The following AKAP9 variants were observed in gnomAD, a reference collection of about 807,000 sequenced individuals.
AKAP9 encodes A-kinase anchor protein 9.
AKAP9 carries 311 observed loss-of-function variants against 488.5 expected under a neutral mutation model. That is an observed-to-expected ratio of 0.64 (90% CI 0.58 to 0.70). The LOEUF is 0.70. Among genes scored for constraint, AKAP9 ranks in the 30% least tolerant of loss-of-function variants. The pLI is 0.00. For missense variants in AKAP9, 4,215 were observed against 4,374.5 expected, an observed-to-expected ratio of 0.96 and a Z score of 1.03; for synonymous variants, 1,462 against 1,483.5, an observed-to-expected ratio of 0.99 and a Z score of 0.33.
intron 3 of AKAP9, among the ~76,000 whole-genome samples, chr7:91,981,603 C>CTTTTTTTTT (rs532220900): frequency 7.5e-5 from 8 of 106,628 alleles, no homozygotes; most frequent in South Asian, 3.2e-4. Context: ...TCTTGTATTT[C>CTTTTTTTTT]TTTTTTTTTT....
rs553502055 is a variant in AKAP9 at position 91,941,206 on chromosome 7, G to A, written c.48+59G>A. ...GGAGGCGGTGGCTAGCACGGGGTGG[G>A]AGGGGGCCTGGGAAGCGGAGTTCGC... On this transcript the variant is annotated intron_variant, in intron 1 of 49. Transcript: ENST00000356239. 42 of 1,541,254 alleles carry A rather than the reference G, an allele frequency of 2.7e-5. No individual in the cohort carries two copies. The African/African-American group carries it at 5.4e-4, about 20-fold the overall frequency.
chr7:92,077,029 T>G (rs745420260), intron 29 of AKAP9, 22 bp downstream of exon 29: 17 of 1,443,204 alleles, frequency 1.2e-5, no homozygotes, highest in Non-Finnish European at 1.6e-5. Context: ...AGAAAAACTT[T>G]TATCTGTAAA....
At chr7:91,984,892 A>T (rs1339521006) in intron 3 of AKAP9, among the ~76,000 whole-genome samples, 1 of 152,152 alleles carries the variant, frequency 6.6e-6, no homozygotes, top group Middle Eastern at 3.2e-3. Flanking sequence ...TCTTTGTAGG[A>T]ATTGTGAATG....
At chr7:92,086,546 T>A (rs1261915651) in intron 37 of AKAP9, 130 bp downstream of exon 37, 6 of 721,358 alleles carry the variant, frequency 8.3e-6, no homozygotes, top group Non-Finnish European at 1.4e-5. Flanking sequence ...AAAAAAATTA[T>A]TGTAACTATT....
At chr7:91,975,912 TGTTTG>T (rs147126808) in intron 2 of AKAP9, among the ~76,000 whole-genome samples, 33 of 143,350 alleles carry the variant, frequency 2.3e-4, no homozygotes, top group Admixed American at 5.5e-4. Flanking sequence ...GTTTGTTTTT[TGTTTG>T]TTTGTTTGTT....
chr7:92,027,626 G>A (rs1243696430), intron 14 of AKAP9, among the ~76,000 whole-genome samples: 11 of 125,602 alleles, frequency 8.8e-5, no homozygotes, highest in East Asian at 4.4e-4. Flanking sequence ...TGGCCGCCCC[G>A]TCTGGGATGT....
Position 91,958,234 on chromosome 7 carries a change from A to G in AKAP9, c.49-15477A>G, listed in dbSNP as rs1793298176. On this transcript the variant is annotated intron_variant, in intron 1 of 49. Coordinates refer to ENST00000356239, the MANE Select transcript of AKAP9 (RefSeq NM_005751.5). ...ATATTTCCTGCAAAAATATATCCATATGAAAGGGAATAATGTATAATGTAG... is the reference window on the plus strand; with the variant it reads ...ATATTTCCTGCAAAAATATATCCATGTGAAAGGGAATAATGTATAATGTAG... Among the ~76,000 whole-genome samples, 3 of 152,342 alleles carry G rather than the reference A, an allele frequency of 2.0e-5. No individual in the cohort carries two copies. The South Asian group carries it at 6.2e-4, about 32-fold the overall frequency.
chr7:91,958,542 T>C (rs1218191676), intron 1 of AKAP9, among the ~76,000 whole-genome samples: 3 of 152,160 alleles, frequency 2.0e-5, no homozygotes, highest in African/African-American at 7.2e-5. Context: ...AACAGCACTT[T>C]CTTTAGGGAT....
At chr7:92,003,304 C>T in intron 8 of AKAP9, 69 bp downstream of exon 8, 3 of 1,184,936 alleles carry the variant, frequency 2.5e-6, no homozygotes, top group Admixed American at 1.8e-5. Flanking sequence ...AAGGTTTCAC[C>T]TTCATAGAAC....
At position 92,002,941 on chromosome 7, in the gene AKAP9, T is replaced by C. The variant is rs1261831665; in HGVS notation, c.3024T>C (p.Asn1008=). 1 of 1,612,030 alleles carries C rather than the reference T, an allele frequency of 6.2e-7. No individual in the cohort carries two copies. The highest frequency in any genetic ancestry group is 1.7e-5 in the Admixed American group (1 of 59,674). The change falls in exon 8 of 50, where the codon AAT becomes AAC. Residue 1008 remains asparagine (N), a synonymous_variant. Coordinates refer to ENST00000356239, the MANE Select transcript of AKAP9 (RefSeq NM_005751.5). ...EIIINHNRAE[N]VQSCDTQVSS... ...TTATTAACCACAACAGGGCAGAAAA[T>C]GTACAGTCATGTGATACTCAAGTAA...
At chr7:91,982,662 A>G (rs13311631) in intron 3 of AKAP9, among the ~76,000 whole-genome samples, 1 of 152,132 alleles carries the variant, frequency 6.6e-6, no homozygotes. Context: ...ACGTGTGCAT[A>G]TGTCTTTATA....
intron 21 of AKAP9, among the ~76,000 whole-genome samples, chr7:92,052,042 A>G (rs780127722): frequency 5.3e-5 from 8 of 152,196 alleles, no homozygotes; most frequent in Non-Finnish European, 1.0e-4. Context: ...CCAAAGTTAA[A>G]TTAGACCTGC....
intron 31 of AKAP9, 149 bp downstream of exon 31, chr7:92,080,301 G>A: frequency 1.3e-6 from 1 of 773,636 alleles, no homozygotes; most frequent in Non-Finnish European, 1.9e-6. Context: ...ATAAACTCTT[G>A]TTAAAAGAAA....
At chr7:92,040,279 A>G (rs1805850449) in intron 17 of AKAP9, among the ~76,000 whole-genome samples, 1 of 152,194 alleles carries the variant, frequency 6.6e-6, no homozygotes, top group East Asian at 1.9e-4. Flanking sequence ...TGTTTCATAC[A>G]TTTAATTTTA....
chr7:92,102,786 A>G lies in AKAP9; in HGVS notation c.11290A>G (p.Arg3764Gly). Residue 3764 changes from arginine (R) to glycine (G), a missense_variant, in exon 46 of 50, where the codon AGG (arginine) becomes GGG (glycine). Physicochemically the swap from Arg to Gly is moderately radical, Grantham distance 125. Around this residue, in one of 5 missense-constraint regions of AKAP9, gnomAD observed 253 missense variants for 266.8 expected, o/e 0.95. Coordinates refer to ENST00000356239, the MANE Select transcript of AKAP9 (RefSeq NM_005751.5). The stretch of plus-strand genomic sequence containing the variant: ...CACCAATCGCCCAAAGGGCTTCACC[A>G]GGTTTCGGTCGGCCGTCAGAGTATC... ...VITNRPKGFT[R>G]FRSAVRVSIA... The G allele has an allele frequency of 6.2e-7, 1 of 1,614,214 alleles. No homozygotes were observed. Among genetic ancestry groups the G allele is most frequent in the South Asian group, 1.1e-5 (1 of 91,082 alleles).
At chr7:91,987,738 C>T (rs1797279964) in intron 3 of AKAP9, among the ~76,000 whole-genome samples, 2 of 152,148 alleles carry the variant, frequency 1.3e-5, no homozygotes, top group Admixed American at 1.3e-4. Flanking sequence ...TTACAGGAGA[C>T]TTCTAAGCCA....
At position 92,096,899 on chromosome 7, in the gene AKAP9, A is replaced by G; in HGVS notation, c.9940A>G (p.Ser3314Gly). 1 of 1,614,256 alleles carries G rather than the reference A, an allele frequency of 6.2e-7. No homozygotes were observed. Among genetic ancestry groups the G allele is most frequent in the South Asian group, 1.1e-5 (1 of 91,086 alleles). Residue 3314 changes from serine (S) to glycine (G), a missense_variant, in exon 41 of 50, where the codon AGT becomes GGT. Transcript: ENST00000356239. ...GAAAGTTCGAATTCGGGAAATGAGTAGTACCCTAGATAGGGAGCGGGAATT... is the reference window on the plus strand; with the variant it reads ...GAAAGTTCGAATTCGGGAAATGAGTGGTACCCTAGATAGGGAGCGGGAATT... ...SEKVRIREMS[S>G]TLDRERELHA...
At chr7:92,052,483 T>A (rs890901980) in intron 21 of AKAP9, among the ~76,000 whole-genome samples, 35 of 149,152 alleles carry the variant, frequency 2.3e-4, no homozygotes, top group Admixed American at 2.3e-3. Flanking sequence ...AAGAAAAAAA[T>A]ACTGAATTAC....
chr7:92,028,557 G>T (rs1803704287), intron 14 of AKAP9, among the ~76,000 whole-genome samples: 1 of 151,964 alleles, frequency 6.6e-6, no homozygotes, highest in African/African-American at 2.4e-5. Context: ...AGCATGGGAT[G>T]GTCATAGAAC....
Sources: allele counts gnomAD v4.1 joint callset (sites outside exome capture counted in the v4.1 genomes callset), GRCh38; gene constraint gnomAD v4.1.1; regional missense constraint gnomAD v4.1.1; transcripts MANE v1.5; gene names NCBI Gene and HGNC (gene_info 2026-07-23, HGNC 2026-07-21).